Variants in IL6R observed in about 807,000 individuals in gnomAD.
IL6R encodes the protein interleukin 6 receptor.
A neutral mutation model predicts 48.3 loss-of-function variants in IL6R; 38 were observed. The ratio of observed to expected loss-of-function variants is 0.79; its 90% CI spans 0.61 to 1.03. The LOEUF is 1.03. IL6R is among the 50% of genes least tolerant of loss of function. IL6R has a pLI of 0.00. For synonymous variants in IL6R, 264 were observed against 256.2 expected (o/e 1.03, Z -0.29); for missense variants, 534 against 618.3 (o/e 0.86, Z 1.45).
chr1:154,451,639 C>T (rs562971497), intron 8 of IL6R, among the ~76,000 whole-genome samples: 77 of 152,032 alleles, frequency 5.1e-4, no homozygotes, highest in Non-Finnish European at 1.0e-3. Flanking sequence ...TCTCGTCAAG[C>T]GATTCTCCTG....
At chr1:154,464,079 C>T (rs1230268050) in intron 9 of IL6R, among the ~76,000 whole-genome samples, 1 of 151,970 alleles carries the variant, frequency 6.6e-6, no homozygotes, top group African/African-American at 2.4e-5. Flanking sequence ...TGCCTCCTGC[C>T]AGCCTTACTT....
chr1:154,464,225 G>T (rs567006077), intron 9 of IL6R, among the ~76,000 whole-genome samples: 1 of 151,010 alleles, frequency 6.6e-6, no homozygotes, highest in South Asian at 2.1e-4. Context: ...CACGATCTCA[G>T]CTCACTGCAA....
intron 7 of IL6R, among the ~76,000 whole-genome samples, 191 bp downstream of exon 7, chr1:154,448,362 G>A (rs943823845): frequency 5.9e-5 from 9 of 152,384 alleles, no homozygotes; most frequent in African/African-American, 2.2e-4. Flanking sequence ...AGGACTGTAA[G>A]GAGTGGAGCA....
intron 1 of IL6R, chr1:154,414,490 G>T: frequency 2.2e-6 from 2 of 911,646 alleles, no homozygotes; most frequent in Non-Finnish European, 3.5e-6. Context: ...TGGGGCCCGG[G>T]ACCCACCCTC....
chr1:154,425,534 G>A (rs1360039616), intron 1 of IL6R, among the ~76,000 whole-genome samples: 1 of 152,064 alleles, frequency 6.6e-6, no homozygotes, highest in South Asian at 2.1e-4. Flanking sequence ...CCAACATTTT[G>A]GAGGCCCAGG....
intron 9 of IL6R, 31 bp from the exon 10 acceptor site, chr1:154,465,101 CTG>C (rs780020436): frequency 1.8e-5 from 29 of 1,612,480 alleles, no homozygotes; most frequent in Non-Finnish European, 2.3e-5. Flanking sequence ...AGCTAAAAAT[CTG>C]TGTGGTTTGT....
At chr1:154,454,623 T>C in intron 9 of IL6R, 42 bp downstream of exon 9, 2 of 1,312,698 alleles carry the variant, frequency 1.5e-6, no homozygotes, top group Non-Finnish European at 2.2e-6. Flanking sequence ...TGTTCTCATA[T>C]TTCTTATCTA....
At chr1:154,428,327 G>T (rs1157727845) in intron 1 of IL6R, among the ~76,000 whole-genome samples, 2 of 151,972 alleles carry the variant, frequency 1.3e-5, no homozygotes, top group Non-Finnish European at 1.5e-5. Context: ...AGTAGATGTA[G>T]GGTACTGGAG....
intron 3 of IL6R, among the ~76,000 whole-genome samples, chr1:154,431,129 C>T (rs1039180573): frequency 4.7e-5 from 7 of 149,158 alleles, no homozygotes; most frequent in African/African-American, 1.2e-4. Flanking sequence ...CGGTGATGGG[C>T]GGGGGAGAGG....
chr1:154,408,430 A>G (rs1370569700), intron 1 of IL6R, among the ~76,000 whole-genome samples: 1 of 152,144 alleles, frequency 6.6e-6, no homozygotes, highest in Non-Finnish European at 1.5e-5. Context: ...GAAAATGGTC[A>G]TGGGTAAATC....
rs780007486 is a variant in IL6R at position 154,434,644 on chromosome 1, C to A, written c.584C>A (p.Ala195Asp). 2.5e-6 allele frequency: 4 copies of A among 1,614,204 alleles called. No individual in the cohort carries two copies. In the East Asian group the frequency reaches 6.7e-5, roughly 27 times the overall value. ...TTCTACATAGTGTCCATGTGCGTCG[C>A]CAGTAGTGTCGGGAGCAAGTTCAGC... is the stretch of plus-strand genomic sequence containing the variant. ...SSFYIVSMCVASSVGSKFSKT... is the reference protein window; with the variant it reads ...SSFYIVSMCVDSSVGSKFSKT... The change falls in exon 4 of 10, where the codon GCC becomes GAC. Residue 195 changes from alanine (A) to aspartate (D), a missense_variant. Physicochemically the swap from Ala to Asp is moderately radical, Grantham distance 126 (BLOSUM62 -2). Coordinates refer to ENST00000368485, the MANE Select transcript of IL6R (RefSeq NM_000565.4).
chr1:154,463,318 T>C (rs1322690683), intron 9 of IL6R, among the ~76,000 whole-genome samples: 2 of 152,208 alleles, frequency 1.3e-5, no homozygotes, highest in African/African-American at 4.8e-5. Flanking sequence ...TCAGCAGCCC[T>C]GCTGGGCTCT....
At chr1:154,453,385 T>C (rs1449107167) in intron 8 of IL6R, among the ~76,000 whole-genome samples, 1 of 152,252 alleles carries the variant, frequency 6.6e-6, no homozygotes, top group African/African-American at 2.4e-5. Context: ...CTGACTCTAG[T>C]AGGCATCTGA....
chr1:154,432,851 C>T (rs1689380566), intron 3 of IL6R, among the ~76,000 whole-genome samples: 1 of 152,226 alleles, frequency 6.6e-6, no homozygotes, highest in Non-Finnish European at 1.5e-5. Flanking sequence ...GAGGCCCCAC[C>T]CAGACCTCAG....
chr1:154,460,707 G>A (rs968973553), intron 9 of IL6R, among the ~76,000 whole-genome samples: 5 of 152,150 alleles, frequency 3.3e-5, no homozygotes, highest in African/African-American at 1.2e-4. Context: ...TGAGATGCAC[G>A]TGGCAAGTCA....
chr1:154,447,476 T>TATATAC (rs1424013885), intron 6 of IL6R, among the ~76,000 whole-genome samples: 777 of 67,952 alleles, frequency 0.011, 14 homozygotes, highest in Non-Finnish European at 0.017. Flanking sequence ...TATATATATA[T>TATATAC]ACACACACAC....
Position 154,469,055 on chromosome 1 carries a change from C to A in IL6R, c.*3675C>A, listed in dbSNP as rs979404402. 6.6e-6 allele frequency: 1 copy of A among 152,196 alleles called. No individual in the cohort carries two copies. The highest frequency in any genetic ancestry group is 6.5e-5 in the Admixed American group (1 of 15,278). 9.4% of individuals were successfully genotyped at this position (152,196 alleles called of 1,614,324 possible). A position where few individuals can be genotyped will look rare whatever the true frequency, so the allele number is the denominator to read the frequency against. ...CTGTGAAGGCCTCCTGTCCTCCGTG[C>A]GGCTGGGCACCAGCACCAGGGAGTT... is the stretch of plus-strand genomic sequence containing the variant. On this transcript the variant is annotated 3_prime_UTR_variant, in exon 10 of 10. Transcript: ENST00000368485.
At chr1:154,456,745 C>T (rs73014301) in intron 9 of IL6R, among the ~76,000 whole-genome samples, 4,327 of 152,114 alleles carry the variant, frequency 0.028, 190 homozygotes, top group African/African-American at 0.099. Flanking sequence ...CAAGCGGACA[C>T]GCTTGGCAGG....
intron 9 of IL6R, among the ~76,000 whole-genome samples, chr1:154,459,971 C>CAG (rs1483930913): frequency 1.4e-4 from 21 of 152,192 alleles, no homozygotes; most frequent in Non-Finnish European, 1.5e-5. Flanking sequence ...GGGGGACGGG[C>CAG]AGAGGGACTT....
Sources: gnomAD v4.1 joint callset for allele counts (sites outside exome capture counted in the v4.1 genomes callset) on GRCh38, gnomAD v4.1.1 for gene constraint, MANE v1.5 for transcripts, NCBI Gene and HGNC (gene_info 2026-07-23, HGNC 2026-07-21) for gene names.